CNTN4: variants seen among roughly 807,000 people sequenced by gnomAD.
The protein encoded by CNTN4 is contactin-4.
Under a neutral mutation model 122.5 loss-of-function variants are expected in CNTN4, and 77 were observed. The observed-to-expected ratio is 0.63, with a 90% CI of 0.52 to 0.76. CNTN4 has a LOEUF of 0.76. CNTN4 is among the 30% of genes least tolerant of loss of function. The pLI, the probability that CNTN4 is intolerant of heterozygous loss-of-function variation, is 0.00. For synonymous variants in CNTN4, 512 were observed against 447.0 expected, an observed-to-expected ratio of 1.15 and a Z score of -1.83; for missense variants, 1,256 against 1,259.1, an observed-to-expected ratio of 1.00 and a Z score of 0.04.
chr3:2,510,349 G>A (rs2076847538), intron 3 of CNTN4, among the ~76,000 whole-genome samples: 2 of 137,808 alleles, frequency 1.5e-5, no homozygotes, highest in African/African-American at 2.5e-5. Context: ...TCACAAAGGT[G>A]TAGATCACCT....
intron 4 of CNTN4, among the ~76,000 whole-genome samples, chr3:2,734,164 C>A (rs902866304): frequency 1.3e-5 from 2 of 152,080 alleles, no homozygotes; most frequent in East Asian, 3.9e-4. Context: ...CAGATCAAGC[C>A]ATCCTCCCAC....
At chr3:2,460,550 G>A (rs141600666) in intron 3 of CNTN4, among the ~76,000 whole-genome samples, 5 of 152,178 alleles carry the variant, frequency 3.3e-5, no homozygotes, top group East Asian at 1.9e-4. Flanking sequence ...CTCCTCTGAC[G>A]TACATGACCC....
At chr3:2,301,399 AG>A (rs2042513493) in intron 2 of CNTN4, among the ~76,000 whole-genome samples, 1 of 152,210 alleles carries the variant, frequency 6.6e-6, no homozygotes, top group Non-Finnish European at 1.5e-5. Context: ...TAAATGCCAG[AG>A]GAAATTGAAT....
In CNTN4 at chr3:2,925,692, A is replaced by C; in HGVS notation, c.1271A>C (p.Glu424Ala). ...KRVTLVKVGG[E>A]VVIECKPKAS... The stretch of plus-strand genomic sequence containing the variant: ...GTAACTCTTGTCAAAGTGGGAGGTG[A>C]AGTTGTCATTGAGTGTAAGCCAAAA... Residue 424 changes from glutamate to alanine, a missense_variant, in exon 13 of 25, where the codon GAA becomes GCA. Physicochemically the swap from Glu to Ala is moderately radical, Grantham distance 107. Coordinates refer to ENST00000418658, the MANE Select transcript of CNTN4 (RefSeq NM_175607.3). 2 of 1,614,018 alleles carry C rather than the reference A, an allele frequency of 1.2e-6. No homozygotes were observed. Among genetic ancestry groups the C allele is most frequent in the Non-Finnish European group, 1.7e-6 (2 of 1,179,880 alleles).
At chr3:2,993,700 A>C (rs181482308) in intron 14 of CNTN4, among the ~76,000 whole-genome samples, 11 of 152,316 alleles carry the variant, frequency 7.2e-5, no homozygotes, top group Non-Finnish European at 1.2e-4. Flanking sequence ...AAAGAAAAAT[A>C]CTTATCCTCT....
chr3:2,956,141 G>T (rs973668796), intron 13 of CNTN4, among the ~76,000 whole-genome samples: 1 of 152,162 alleles, frequency 6.6e-6, no homozygotes, highest in African/African-American at 2.4e-5. Context: ...GCTGCCATAT[G>T]GATGAACCTT....
chr3:2,840,675 G>A (rs1224737680), intron 7 of CNTN4, among the ~76,000 whole-genome samples: 3 of 148,804 alleles, frequency 2.0e-5, no homozygotes, highest in Non-Finnish European at 3.0e-5. Context: ...CTCCAGCCTG[G>A]GCGACAGAGC....
At chr3:2,427,749 G>T (rs1253079463) in intron 3 of CNTN4, among the ~76,000 whole-genome samples, 7 of 151,906 alleles carry the variant, frequency 4.6e-5, no homozygotes, top group Middle Eastern at 3.4e-3. Flanking sequence ...TATGAATCTG[G>T]GTGCTCCTGT....
At chr3:2,966,849 G>A (rs1278720300) in intron 13 of CNTN4, among the ~76,000 whole-genome samples, 1 of 152,092 alleles carries the variant, frequency 6.6e-6, no homozygotes, top group Non-Finnish European at 1.5e-5. Context: ...ATTTTAATCA[G>A]CCAAATTATA....
intron 20 of CNTN4, among the ~76,000 whole-genome samples, chr3:3,040,635 T>G (rs931650055): frequency 2.6e-5 from 4 of 152,220 alleles, no homozygotes; most frequent in Non-Finnish European, 5.9e-5. Context: ...CACTTGTATT[T>G]TCATAAAGCA....
Position 2,841,933 on chromosome 3 carries a change from GA to G in CNTN4, c.454+22355del, listed in dbSNP as rs370795125. 1.6e-4 allele frequency among the ~76,000 whole-genome samples: 25 copies of G among 151,778 alleles called. No individual in the cohort carries two copies. The highest frequency in any genetic ancestry group is 5.8e-4 in the African/African-American group (24 of 41,214). On this transcript the variant is annotated intron_variant, in intron 7 of 24. Transcript: ENST00000418658. The surrounding 1 kb of genome is among the most constrained non-coding windows in gnomAD (Gnocchi z 4.8). ...GTTAAAGGATTAATTAGGTCACATT[GA>G]AATATATGATTTTAAAACAGATTGA...
At chr3:2,190,877 A>C (rs2037507166) in intron 2 of CNTN4, among the ~76,000 whole-genome samples, 1 of 151,496 alleles carries the variant, frequency 6.6e-6, no homozygotes, top group Admixed American at 6.6e-5. Flanking sequence ...ACACACACAC[A>C]CCACTACCTT....
intron 2 of CNTN4, among the ~76,000 whole-genome samples, chr3:2,224,700 C>T (rs2039199174): frequency 6.6e-6 from 1 of 152,158 alleles, no homozygotes; most frequent in Non-Finnish European, 1.5e-5. Context: ...ATGCTTCTAA[C>T]ATCCTAAATG....
intron 13 of CNTN4, among the ~76,000 whole-genome samples, chr3:2,932,174 G>A (rs1326712842): frequency 2.0e-5 from 3 of 152,014 alleles, no homozygotes; most frequent in South Asian, 2.1e-4. Context: ...TCAGGAGATC[G>A]AGACCATCCT....
At chr3:2,635,803 G>C (rs758645058) in intron 4 of CNTN4, among the ~76,000 whole-genome samples, 3 of 152,038 alleles carry the variant, frequency 2.0e-5, no homozygotes, top group Non-Finnish European at 2.9e-5. Flanking sequence ...AGAAAGTTAC[G>C]TTTGTTGAGT....
intron 2 of CNTN4, among the ~76,000 whole-genome samples, chr3:2,175,526 A>G (rs532125598): frequency 2.6e-5 from 4 of 152,346 alleles, no homozygotes; most frequent in Admixed American, 2.6e-4. Context: ...TCCATACAAG[A>G]AAGCTGAAAA....
chr3:2,180,974 A>T (rs559387912), intron 2 of CNTN4, among the ~76,000 whole-genome samples: 1 of 152,224 alleles, frequency 6.6e-6, no homozygotes, highest in South Asian at 2.1e-4. Context: ...GCTACTCATG[A>T]TTAGACTGGA....
chr3:2,895,137 G>A (rs547214872), intron 10 of CNTN4, among the ~76,000 whole-genome samples: 1 of 152,024 alleles, frequency 6.6e-6, no homozygotes, highest in Non-Finnish European at 1.5e-5. Flanking sequence ...CACCATGCCC[G>A]GCTAATTTTT....
intron 7 of CNTN4, among the ~76,000 whole-genome samples, chr3:2,821,026 A>G (rs752075429): frequency 5.0e-5 from 7 of 139,842 alleles, no homozygotes; most frequent in South Asian, 2.3e-4. Context: ...TGGTGGTGCA[A>G]TCTCGGCTCA....
Sources: allele counts gnomAD v4.1 joint callset (sites outside exome capture counted in the v4.1 genomes callset), GRCh38; gene constraint gnomAD v4.1.1; non-coding constraint Gnocchi (gnomAD v3.1); transcripts MANE v1.5; gene names NCBI Gene and HGNC (gene_info 2026-07-23, HGNC 2026-07-21).